Variants in SYNE1 observed in about 807,000 individuals in gnomAD.
SYNE1 encodes nesprin-1.
A neutral mutation model predicts 1,111.0 loss-of-function variants in SYNE1; 616 were observed. The ratio of observed to expected loss-of-function variants is 0.55; its 90% CI spans 0.52 to 0.59. The LOEUF (loss-of-function observed/expected upper bound fraction) is 0.59. Among genes scored for constraint, SYNE1 ranks in the 20% least tolerant of loss-of-function variants. SYNE1 has a pLI of 0.00. For missense variants in SYNE1, 10,006 were observed against 10,417.0 expected (o/e 0.96, Z 1.72); for synonymous variants, 3,855 against 3,825.8 (o/e 1.01, Z -0.28).
intron 51 of SYNE1, among the ~76,000 whole-genome samples, chr6:152,393,581 T>C (rs2097682034): frequency 6.6e-6 from 1 of 151,664 alleles, no homozygotes; most frequent in Admixed American, 6.6e-5. Flanking sequence ...TAGCTGGAAA[T>C]TGGGGTTCAT....
chr6:152,324,462 G>A (rs571163380), intron 81 of SYNE1, among the ~76,000 whole-genome samples: 5 of 151,966 alleles, frequency 3.3e-5, no homozygotes, highest in Admixed American at 3.3e-4. Flanking sequence ...AGGTTTCATG[G>A]TAAAGAAAAA....
chr6:152,589,661 C>G (rs1189688261), intron 3 of SYNE1, among the ~76,000 whole-genome samples: 1 of 152,074 alleles, frequency 6.6e-6, no homozygotes, highest in South Asian at 2.1e-4. Context: ...GTGCATGTGA[C>G]CAGCCCTAAG....
Position 152,135,199 on chromosome 6 carries a change from T to C in SYNE1, c.25693A>G (p.Met8565Val). Residue 8565 changes from methionine to valine, a missense_variant, in exon 142 of 146, where the codon ATG becomes GTG. This residue lies in a region of SYNE1 where 761 missense variants were observed against 795.5 expected (regional missense o/e 0.96). Coordinates refer to ENST00000367255, the MANE Select transcript of SYNE1 (RefSeq NM_182961.4). Reference sequence around the variant, plus strand: ...TTCCTTCTGTCAATGTTCTCCAGCATAAGAAGCAAACCATGGCTCATTTCA... The same window carrying C: ...TTCCTTCTGTCAATGTTCTCCAGCACAAGAAGCAAACCATGGCTCATTTCA... ...FHEMSHGLLL[M>V]LENIDRRKNE... is the part of the protein sequence containing the mutation. 6.2e-7 allele frequency: 1 copy of C among 1,614,164 alleles called. No homozygotes were observed. The highest frequency in any genetic ancestry group is 8.5e-7 in the Non-Finnish European group (1 of 1,180,004).
intron 41 of SYNE1, among the ~76,000 whole-genome samples, chr6:152,415,500 T>G (rs1425786010): frequency 6.6e-6 from 1 of 152,082 alleles, no homozygotes; most frequent in East Asian, 1.9e-4. Context: ...ATCTGCCCTC[T>G]CCTCTGAACT....
intron 73 of SYNE1, among the ~76,000 whole-genome samples, chr6:152,345,534 C>A (rs1442696098): frequency 1.3e-5 from 2 of 151,494 alleles, no homozygotes; most frequent in Non-Finnish European, 1.5e-5. Flanking sequence ...CTAACCACAT[C>A]ACTGATGTAT....
chr6:152,333,826 T>G (rs1281250297), intron 77 of SYNE1, among the ~76,000 whole-genome samples, 182 bp downstream of exon 77: 4 of 151,940 alleles, frequency 2.6e-5, no homozygotes, highest in Admixed American at 2.6e-4. Flanking sequence ...AGAGATGAGG[T>G]TTCACCATGT....
Position 152,391,586 on chromosome 6 carries a change from A to AAAAAAAG in SYNE1, c.7713-19_7713-18insCTTTTTT, listed in dbSNP as rs781073860. Reference sequence around the variant, plus strand: ...GAGACTCTCTGAAAAAAAGGAAAAAAAAAAAAAAGAAAAAAAATTAATTCT... The same window carrying AAAAAAAG: ...GAGACTCTCTGAAAAAAAGGAAAAAAAAAAAAGAAAAAAAAGAAAAAAAATTAATTCT... On this transcript the variant is annotated intron_variant, in intron 51 of 145. Transcript: ENST00000367255. The AAAAAAAG allele has an allele frequency of 3.9e-5, 60 of 1,552,392 alleles. No individual in the cohort carries two copies. The highest frequency in any genetic ancestry group is 5.0e-5 in the Non-Finnish European group (58 of 1,160,648).
At chr6:152,325,842 G>T in intron 80 of SYNE1, 116 bp downstream of exon 80, 1 of 1,207,096 alleles carries the variant, frequency 8.3e-7, no homozygotes, top group Non-Finnish European at 1.1e-6. Context: ...GTTGTTAAAT[G>T]CATCCTTATC....
In SYNE1 at chr6:152,155,056, T is replaced by C; in HGVS notation, c.23979-14A>G. The C allele has an allele frequency of 6.2e-7, 1 of 1,613,930 alleles. No homozygotes were observed. The highest frequency in any genetic ancestry group is 8.5e-7 in the Non-Finnish European group (1 of 1,179,936). On this transcript the variant is annotated splice_polypyrimidine_tract_variant and intron_variant, in intron 132 of 145. Transcript: ENST00000367255. The stretch of plus-strand genomic sequence containing the variant: ...GTCTCTTCGATTCTGGGGCGGAAAA[T>C]GAAAGAACAGATTCAGATTATTGGA...
Position 152,331,410 on chromosome 6 carries a change from C to T in SYNE1, c.13275G>A (p.Lys4425=), listed in dbSNP as rs767757489. 6.2e-7 allele frequency: 1 copy of T among 1,614,142 alleles called. No individual in the cohort carries two copies. Among genetic ancestry groups the T allele is most frequent in the South Asian group, 1.1e-5 (1 of 91,074 alleles). ...CGTGGCTTTGTGCATCAGAGAGAGC[C>T]TTCTGGATGACCTGTCGCTCATTGA... ...LGLNERQVIQ[K]ALSDAQSHVN... The change falls in exon 78 of 146, where the codon AAG becomes AAA. Residue 4425 remains lysine (K), a synonymous_variant. Coordinates refer to ENST00000367255, the MANE Select transcript of SYNE1 (RefSeq NM_182961.4).
chr6:152,424,013 T>C (rs1001515589), intron 39 of SYNE1, among the ~76,000 whole-genome samples: 5 of 152,210 alleles, frequency 3.3e-5, no homozygotes, highest in Non-Finnish European at 7.3e-5. Context: ...TGAAATCGTC[T>C]TGTTTGTTCA....
chr6:152,386,078 T>C (rs2097522806), intron 54 of SYNE1, among the ~76,000 whole-genome samples: 2 of 152,256 alleles, frequency 1.3e-5, no homozygotes, highest in African/African-American at 2.4e-5. Context: ...ATGGAAATCA[T>C]GCTTAATTCA....
intron 137 of SYNE1, chr6:152,145,314 T>C: frequency 1.5e-6 from 1 of 684,340 alleles, no homozygotes; most frequent in Non-Finnish European, 2.6e-6. Context: ...AGTGAAATCT[T>C]ATTCTTGGTG....
rs368307525 is a variant in SYNE1, at chr6:152,181,787, A to G, written c.23302-1493T>C. Among the ~76,000 whole-genome samples, 4 of 152,182 alleles carry G rather than the reference A, an allele frequency of 2.6e-5. No individual in the cohort carries two copies. In the East Asian group the frequency reaches 7.7e-4, roughly 29 times the overall value. ...TTTGTGCACAAGTGTTTGTATGAAC[A>G]CATGTTTTCATTTCTCCTAGGTGTT... On this transcript the variant is annotated intron_variant, in intron 128 of 145. Transcript: ENST00000367255.
chr6:152,429,287 C>T (rs2098405559), intron 36 of SYNE1, among the ~76,000 whole-genome samples: 2 of 152,130 alleles, frequency 1.3e-5, no homozygotes, highest in Middle Eastern at 6.8e-3. Context: ...ATCTAAATAT[C>T]GGAAAAGTAG....
chr6:152,164,086 C>T (rs1165575380), intron 131 of SYNE1, 77 bp downstream of exon 131: 22 of 1,592,390 alleles, frequency 1.4e-5, no homozygotes, highest in Non-Finnish European at 1.7e-5. Flanking sequence ...GGCACCATCT[C>T]ATGCCCACCC....
intron 18 of SYNE1, among the ~76,000 whole-genome samples, 185 bp from the exon 19 acceptor site, chr6:152,463,702 T>C (rs2098747553): frequency 6.6e-6 from 1 of 152,204 alleles, no homozygotes; most frequent in South Asian, 2.1e-4. Flanking sequence ...AGAGATACTG[T>C]CTTTTTTTAT....
chr6:152,495,639 G>C (rs1288466498), intron 11 of SYNE1, among the ~76,000 whole-genome samples: 1 of 151,990 alleles, frequency 6.6e-6, no homozygotes, highest in Non-Finnish European at 1.5e-5. Flanking sequence ...CTGATTACCT[G>C]TTCCACCCTG....
At chr6:152,574,259 G>A (rs1853280) in intron 3 of SYNE1, among the ~76,000 whole-genome samples, 31,281 of 149,676 alleles carry the variant, frequency 0.21, 3,705 homozygotes, top group African/African-American at 0.3. Context: ...AGTTAATTTG[G>A]TGGCAAAAGG....
Sources: gnomAD v4.1 joint callset for allele counts (sites outside exome capture counted in the v4.1 genomes callset) on GRCh38, gnomAD v4.1.1 for gene constraint, gnomAD v4.1.1 regional missense constraint, MANE v1.5 for transcripts, NCBI Gene and HGNC (gene_info 2026-07-23, HGNC 2026-07-21) for gene names.